The following EPSTI1 variants were observed in gnomAD, a reference collection of about 807,000 sequenced individuals.
The protein encoded by EPSTI1 is epithelial-stromal interaction protein 1.
A neutral mutation model predicts 49.9 loss-of-function variants in EPSTI1; 66 were observed. The ratio of observed to expected loss-of-function variants is 1.32; its 90% CI spans 1.08 to 1.62. The LOEUF (loss-of-function observed/expected upper bound fraction) is 1.62. Ranked by LOEUF, EPSTI1 falls within the 40% of genes most tolerant of loss-of-function variation. The pLI is 0.00. For synonymous variants in EPSTI1, 137 were observed against 130.7 expected (o/e 1.05, Z -0.33); for missense variants, 394 against 365.5 (o/e 1.08, Z -0.64).
intron 6 of EPSTI1, among the ~76,000 whole-genome samples, chr13:42,950,265 CA>C (rs1415935012): frequency 2.0e-5 from 3 of 152,214 alleles, no homozygotes; most frequent in African/African-American, 7.2e-5. Flanking sequence ...AGGGAAAAGA[CA>C]GTACTGCAAA....
At position 42,917,522 on chromosome 13, in the gene EPSTI1, A is replaced by G; in HGVS notation, c.741+19T>C. On this transcript the variant is annotated intron_variant, in intron 8 of 10. Coordinates refer to ENST00000313624, the MANE Select transcript of EPSTI1 (RefSeq NM_033255.5). Reference sequence around the variant, plus strand: ...CTCAAATAAACAGTTAGCAATAACTAGTAGGGGCTTGTAAGTACCTTTTGA... The same window carrying G: ...CTCAAATAAACAGTTAGCAATAACTGGTAGGGGCTTGTAAGTACCTTTTGA... The G allele has an allele frequency of 6.3e-7, 1 of 1,586,690 alleles. No individual in the cohort carries two copies. The highest frequency in any genetic ancestry group is 1.3e-5 in the African/African-American group (1 of 74,236).
intron 6 of EPSTI1, among the ~76,000 whole-genome samples, chr13:42,937,837 T>C (rs892916184): frequency 6.6e-6 from 1 of 152,156 alleles, no homozygotes; most frequent in African/African-American, 2.4e-5. Flanking sequence ...TCACAAGTGT[T>C]CTTGATGGCA....
At chr13:42,917,933 T>G (rs147006106) in intron 7 of EPSTI1, among the ~76,000 whole-genome samples, 1 of 152,296 alleles carries the variant, frequency 6.6e-6, no homozygotes, top group East Asian at 1.9e-4. Flanking sequence ...GTTTATTCCT[T>G]CTAGTGGAAA....
intron 8 of EPSTI1, among the ~76,000 whole-genome samples, chr13:42,908,802 G>T (rs1208023727): frequency 6.6e-6 from 1 of 151,928 alleles, no homozygotes; most frequent in African/African-American, 2.4e-5. Context: ...AGCAAAAAGG[G>T]CCAGGCGCAG....
intron 6 of EPSTI1, 89 bp downstream of exon 6, chr13:42,953,859 G>C (rs1028275794): frequency 1.1e-6 from 1 of 936,648 alleles, no homozygotes; most frequent in Admixed American, 2.4e-5. Context: ...CCAATACCAG[G>C]TGTTTTGACA....
chr13:42,954,780 T>C (rs150909239), intron 5 of EPSTI1, among the ~76,000 whole-genome samples: 13 of 152,210 alleles, frequency 8.5e-5, no homozygotes, highest in African/African-American at 2.9e-4. Flanking sequence ...AATGGAGAGT[T>C]GAAACACATT....
chr13:42,952,287 TC>T (rs2039122950), intron 6 of EPSTI1, among the ~76,000 whole-genome samples: 1 of 152,208 alleles, frequency 6.6e-6, no homozygotes, highest in Admixed American at 6.5e-5. Context: ...TTGCTGCTGC[TC>T]ACTCTTTGGG....
intron 3 of EPSTI1, among the ~76,000 whole-genome samples, chr13:42,967,253 G>A (rs1169132587): frequency 8.4e-6 from 1 of 118,648 alleles, no homozygotes; most frequent in Non-Finnish European, 1.7e-5. Flanking sequence ...CCCCCTCTGT[G>A]AGAAACACCC....
chr13:42,914,775 A>C (rs965636926), intron 8 of EPSTI1, among the ~76,000 whole-genome samples: 1 of 152,220 alleles, frequency 6.6e-6, no homozygotes, highest in African/African-American at 2.4e-5. Flanking sequence ...CGTGTGCTCT[A>C]TCATCTTCTT....
intron 1 of EPSTI1, among the ~76,000 whole-genome samples, chr13:42,983,710 CA>C (rs66531205): frequency 0.15 from 22,039 of 151,774 alleles, 2,111 homozygotes; most frequent in African/African-American, 0.27. Context: ...TTCTGTCACT[CA>C]AAAAGCCATG....
intron 1 of EPSTI1, among the ~76,000 whole-genome samples, chr13:42,985,686 C>T (rs1158791516): frequency 2.0e-5 from 3 of 152,184 alleles, no homozygotes; most frequent in Non-Finnish European, 4.4e-5. Context: ...CAGGAATAGG[C>T]TAGCACTAAA....
intron 10 of EPSTI1, among the ~76,000 whole-genome samples, chr13:42,888,755 A>G (rs1454218328): frequency 1.3e-5 from 2 of 152,174 alleles, no homozygotes; most frequent in African/African-American, 4.8e-5. Context: ...GTTCTTAGAG[A>G]TAGACTAACA....
chr13:42,922,725 ACTT>A lies in EPSTI1; in HGVS notation c.657+3608_657+3610del, dbSNP rs2038048911. ...GGACACATGTTAAGTACTTTATTTG[ACTT>A]CTTAATGAATGAGCATGTGACACGT... On this transcript the variant is annotated intron_variant, in intron 7 of 10. Transcript: ENST00000313624. The surrounding 1 kb of genome is among the most constrained non-coding windows in gnomAD (Gnocchi z 4.8). Among the ~76,000 whole-genome samples, 3 of 152,170 alleles carry A rather than the reference ACTT, an allele frequency of 2.0e-5. No homozygotes were observed. The highest frequency in any genetic ancestry group is 2.1e-4 in the South Asian group (1 of 4,822).
intron 9 of EPSTI1, 29 bp from the exon 10 acceptor site, chr13:42,895,137 TA>T: frequency 6.4e-7 from 1 of 1,561,960 alleles, no homozygotes; most frequent in South Asian, 1.1e-5. Flanking sequence ...TGTGTGTGAG[TA>T]GAAAACTTGC....
At chr13:42,937,402 G>C (rs1032637685) in intron 6 of EPSTI1, among the ~76,000 whole-genome samples, 1 of 152,188 alleles carries the variant, frequency 6.6e-6, no homozygotes, top group Non-Finnish European at 1.5e-5. Flanking sequence ...TTTCATGAAA[G>C]ATTTGTGTGT....
At chr13:42,951,773 GC>G (rs2039104752) in intron 6 of EPSTI1, among the ~76,000 whole-genome samples, 1 of 152,130 alleles carries the variant, frequency 6.6e-6, no homozygotes, top group Non-Finnish European at 1.5e-5. Context: ...TGTGCCCAAG[GC>G]CCCTCACTGT....
chr13:42,906,784 G>T (rs1208244984), intron 8 of EPSTI1, among the ~76,000 whole-genome samples: 3 of 152,116 alleles, frequency 2.0e-5, no homozygotes, highest in African/African-American at 7.2e-5. Flanking sequence ...ATACTAATGG[G>T]TGAAGTAGAG....
At chr13:42,953,173 T>C (rs1378426150) in intron 6 of EPSTI1, among the ~76,000 whole-genome samples, 1 of 151,798 alleles carries the variant, frequency 6.6e-6, no homozygotes, top group Non-Finnish European at 1.5e-5. Flanking sequence ...CCTGTAATAG[T>C]CAGGCACTTT....
At chr13:42,937,123 TATA>T in intron 6 of EPSTI1, among the ~76,000 whole-genome samples, 1 of 152,216 alleles carries the variant, frequency 6.6e-6, no homozygotes, top group South Asian at 2.1e-4. Flanking sequence ...TTTCCATTCA[TATA>T]AAAGTTGGGT....
Sources: gnomAD v4.1 joint callset for allele counts (sites outside exome capture counted in the v4.1 genomes callset) on GRCh38, gnomAD v4.1.1 for gene constraint, Gnocchi (gnomAD v3.1) non-coding constraint, MANE v1.5 for transcripts, NCBI Gene and HGNC (gene_info 2026-07-23, HGNC 2026-07-21) for gene names.